The following LMOD3 variants were observed in gnomAD, a reference collection of about 807,000 sequenced individuals.
The protein encoded by LMOD3 is leiomodin-3.
LMOD3 carries 31 observed loss-of-function variants against 41.8 expected under a neutral mutation model. The observed-to-expected ratio is 0.74, with a 90% confidence interval of 0.56 to 1.00. The LOEUF (loss-of-function observed/expected upper bound fraction) is 1.00, where lower values mean the gene tolerates loss of function less well. LMOD3 is among the 50% of genes least tolerant of loss of function. LMOD3 has a pLI of 0.00. For synonymous variants in LMOD3, 292 were observed against 241.9 expected (o/e 1.21, Z -1.92); for missense variants, 755 against 679.5 (o/e 1.11, Z -1.23).
At chr3:69,111,484 T>C (rs945258236) in intron 2 of LMOD3, among the ~76,000 whole-genome samples, 1 of 152,234 alleles carries the variant, frequency 6.6e-6, no homozygotes, top group Non-Finnish European at 1.5e-5. Context: ...CTTTGTATTA[T>C]GGAATGGAAA....
At position 69,119,888 on chromosome 3, in the gene LMOD3, T is replaced by C; in HGVS notation, c.467A>G (p.Asp156Gly). The C allele has an allele frequency of 1.3e-6, 2 of 1,543,100 alleles. No individual in the cohort carries two copies. The highest frequency in any genetic ancestry group is 1.8e-6 in the Non-Finnish European group (2 of 1,137,208). ...TTCACCATCATCTTCTCCTTCGTCG[T>C]CATCATCATCATCTTCTTCTTCTTC... Reference protein sequence around the residue: ...EDEEEEDDDDDDEGEDDGEES... With the variant: ...EDEEEEDDDDGDEGEDDGEES... The change falls in exon 2 of 3, where the codon GAC becomes GGC. Residue 156 changes from aspartate to glycine, a missense_variant. Physicochemically the swap from Asp to Gly is moderately conservative, Grantham distance 94 (BLOSUM62 -1). Coordinates refer to ENST00000420581, the MANE Select transcript of LMOD3 (RefSeq NM_198271.5).
At position 69,119,650 on chromosome 3, in the gene LMOD3, T is replaced by C; in HGVS notation, c.705A>G (p.Ser235=). ...TCCCATCCAGGTCTGTCTGGTTTCC[T>C]GAAGGCCTTGTACTTACCTTCAAAA... ...TSFLKVSTRP[S]GNQTDLDGSL... The change falls in exon 2 of 3, where the codon TCA becomes TCG. Residue 235 remains serine, a synonymous_variant. Coordinates refer to ENST00000420581, the MANE Select transcript of LMOD3 (RefSeq NM_198271.5). The C allele has an allele frequency of 1.2e-6, 2 of 1,613,968 alleles. No individual in the cohort carries two copies. Among genetic ancestry groups the C allele is most frequent in the Non-Finnish European group, 1.7e-6 (2 of 1,179,880 alleles).
chr3:69,111,520 C>T (rs573946778), intron 2 of LMOD3, among the ~76,000 whole-genome samples: 1 of 152,016 alleles, frequency 6.6e-6, no homozygotes, highest in African/African-American at 2.4e-5. Context: ...TAAGTTATTC[C>T]CTGTATTTGT....
rs1314906285 is a variant in LMOD3, at chr3:69,107,381, A to G, written c.*1714T>C. 1 of 149,402 alleles carries G rather than the reference A, an allele frequency of 6.7e-6. No homozygotes were observed. The highest frequency in any genetic ancestry group is 6.7e-5 in the Admixed American group (1 of 14,926). The allele number at this position is 149,402 out of a possible 1,614,324, so 9.3% of individuals were successfully genotyped here. On this transcript the variant is annotated 3_prime_UTR_variant, in exon 3 of 3. Coordinates refer to ENST00000420581, the MANE Select transcript of LMOD3 (RefSeq NM_198271.5). ...TTTGGTTTGATACATGCCACTTATG[A>G]TAACATAAAAGGAGAAAGAAGGCAG...
In LMOD3 at chr3:69,122,382, G is replaced by T; in HGVS notation, c.5C>A (p.Ser2Ter). The change falls in exon 1 of 3, where the codon TCA becomes TAA. Residue 2 changes from serine (S) to a stop codon, truncating the protein, a stop_gained. Coordinates refer to ENST00000420581, the MANE Select transcript of LMOD3 (RefSeq NM_198271.5). LOFTEE classifies it high-confidence loss of function. M[S>*]EHSRNSDQEE... ...TTGATCTGAATTTCTGCTGTGCTCT[G>T]ACATTATTTTTTCTAAATATTATTT... The T allele has an allele frequency of 6.4e-7, 1 of 1,562,454 alleles. No individual in the cohort carries two copies. The highest frequency in any genetic ancestry group is 8.7e-7 in the Non-Finnish European group (1 of 1,152,116).
At chr3:69,111,035 C>T (rs73835727) in intron 2 of LMOD3, among the ~76,000 whole-genome samples, 5,234 of 151,626 alleles carry the variant, frequency 0.035, 285 homozygotes, top group East Asian at 0.26. Flanking sequence ...AGTAACTCAT[C>T]AACTCATCCA....
intron 1 of LMOD3, 133 bp from the exon 2 acceptor site, chr3:69,120,193 A>C (rs2092400808): frequency 1.0e-6 from 1 of 999,774 alleles, no homozygotes. Flanking sequence ...TTATTTAAAT[A>C]GCTGATTGCT....
intron 1 of LMOD3, among the ~76,000 whole-genome samples, chr3:69,120,561 C>T (rs1251845217): frequency 6.6e-6 from 1 of 151,158 alleles, no homozygotes; most frequent in Non-Finnish European, 1.5e-5. Flanking sequence ...GAGAACATAA[C>T]ATAATGTATG....
At chr3:69,113,063 T>A in intron 2 of LMOD3, among the ~76,000 whole-genome samples, 1 of 152,190 alleles carries the variant, frequency 6.6e-6, no homozygotes, top group East Asian at 1.9e-4. Context: ...CTATGATCTA[T>A]GTTTGGCTTT....
In LMOD3 at chr3:69,108,333, C is replaced by G. The variant is rs750215948; in HGVS notation, c.*762G>C. ...TTCTATAAAAACAGCATGCTGTCTC[C>G]CATTGTCCCTCTATATATGAAAACT... On this transcript the variant is annotated 3_prime_UTR_variant, in exon 3 of 3. Coordinates refer to ENST00000420581, the MANE Select transcript of LMOD3 (RefSeq NM_198271.5). 6.6e-6 allele frequency: 1 copy of G among 152,012 alleles called. No homozygotes were observed. Among genetic ancestry groups the G allele is most frequent in the Non-Finnish European group, 1.5e-5 (1 of 68,004 alleles). 9.4% of individuals were successfully genotyped at this position (152,012 alleles called of 1,614,324 possible). A position where few individuals can be genotyped will look rare whatever the true frequency, so the allele number is the denominator to read the frequency against.
In LMOD3 at chr3:69,108,969, A is replaced by G. The variant is rs553024582; in HGVS notation, c.*126T>C. ...TCTGCCTTTTACAAATACCCTTATC[A>G]GATGGTAGCATTGTTTCCAGTTCTG... On this transcript the variant is annotated 3_prime_UTR_variant, in exon 3 of 3. Coordinates refer to ENST00000420581, the MANE Select transcript of LMOD3 (RefSeq NM_198271.5). 1,145 of 808,368 alleles carry G rather than the reference A, an allele frequency of 1.4e-3. 3 individuals are homozygous for G. Among genetic ancestry groups the G allele is most frequent in the Non-Finnish European group, 2.0e-3 (999 of 499,992 alleles). The allele number at this position is 808,368 out of a possible 1,614,324, so 50.1% of individuals were successfully genotyped here.
rs2092389858 is a variant in LMOD3 at position 69,118,843 on chromosome 3, TTCTC to T, written c.1508_1511del (p.Arg503AsnfsTer36). 1 of 1,608,130 alleles carries T rather than the reference TTCTC, an allele frequency of 6.2e-7. No homozygotes were observed. Among genetic ancestry groups the T allele is most frequent in the African/African-American group, 1.4e-5 (1 of 72,938 alleles). Reference sequence around the variant, plus strand: ...CTTTGAGGTTGGTTTTCTCGGGTGGTTCTCTGGCTTCCGGCATCCGAGATTTGCG... The same window carrying T: ...CTTTGAGGTTGGTTTTCTCGGGTGGTTGGCTTCCGGCATCCGAGATTTGCG... On this transcript the variant is annotated frameshift_variant, in exon 2 of 3. Coordinates refer to ENST00000420581, the MANE Select transcript of LMOD3 (RefSeq NM_198271.5). LOFTEE classifies it high-confidence loss of function.
chr3:69,118,796 G>A lies in LMOD3; in HGVS notation c.1559C>T (p.Pro520Leu). The A allele has an allele frequency of 1.2e-6, 2 of 1,611,600 alleles. No individual in the cohort carries two copies. The highest frequency in any genetic ancestry group is 1.7e-6 in the Non-Finnish European group (2 of 1,179,370). ...NLKDVIKTLKPVPRNRPPPLV... is the reference protein window; with the variant it reads ...NLKDVIKTLKLVPRNRPPPLV... Reference sequence around the variant, plus strand: ...TGGGGGTGGCCTGTTTCTCGGCACTGGCTTGAGCGTTTTGATGACATCTTT... The same window carrying A: ...TGGGGGTGGCCTGTTTCTCGGCACTAGCTTGAGCGTTTTGATGACATCTTT... Residue 520 changes from proline (P) to leucine (L), a missense_variant, in exon 2 of 3, where the codon CCA becomes CTA. Physicochemically the swap from Pro to Leu is moderately conservative, Grantham distance 98. Coordinates refer to ENST00000420581, the MANE Select transcript of LMOD3 (RefSeq NM_198271.5).
chr3:69,116,060 C>T (rs1201971356), intron 2 of LMOD3, among the ~76,000 whole-genome samples: 1 of 152,088 alleles, frequency 6.6e-6, no homozygotes, highest in African/African-American at 2.4e-5. Flanking sequence ...CTACTTTTGA[C>T]CTTCTGTAAG....
chr3:69,112,828 T>C (rs1318305492), intron 2 of LMOD3, among the ~76,000 whole-genome samples: 3 of 152,204 alleles, frequency 2.0e-5, no homozygotes, highest in Non-Finnish European at 4.4e-5. Context: ...GACTCAGTAA[T>C]CTGTATTTAG....
In LMOD3 at chr3:69,112,205, G is replaced by T. The variant is rs529517570; in HGVS notation, c.1657-3084C>A. Among the ~76,000 whole-genome samples the T allele has an allele frequency of 2.6e-5, 4 of 151,680 alleles. No individual in the cohort carries two copies. In the South Asian group the frequency reaches 8.3e-4, roughly 32 times the overall value. ...CAAAGAAAGTATGTCTAGTGTGCTTGTGTGTGTGTGTGTGTCTAGCATCAC... is the reference window on the plus strand; with the variant it reads ...CAAAGAAAGTATGTCTAGTGTGCTTTTGTGTGTGTGTGTGTCTAGCATCAC... On this transcript the variant is annotated intron_variant, in intron 2 of 2. Transcript: ENST00000420581.
At position 69,119,027 on chromosome 3, in the gene LMOD3, A is replaced by T; in HGVS notation, c.1328T>A (p.Met443Lys). 1 of 1,613,708 alleles carries T rather than the reference A, an allele frequency of 6.2e-7. No homozygotes were observed. The highest frequency in any genetic ancestry group is 8.5e-7 in the Non-Finnish European group (1 of 1,179,840). ...LLGGPKPDSRMQEFFQPPPPR... is the reference protein window; with the variant it reads ...LLGGPKPDSRKQEFFQPPPPR... ...TGGCGGTGGCTGGAAGAATTCCTGC[A>T]TTCTGGAATCTGGCTTGGGTCCTCC... Residue 443 changes from methionine (M) to lysine (K), a missense_variant, in exon 2 of 3, where the codon ATG becomes AAG. Physicochemically the swap from Met to Lys is moderately conservative, Grantham distance 95. Transcript: ENST00000420581.
chr3:69,119,689 AG>A lies in LMOD3; in HGVS notation c.665del (p.Ala222ValfsTer2). 1 of 1,613,894 alleles carries A rather than the reference AG, an allele frequency of 6.2e-7. No individual in the cohort carries two copies. The highest frequency in any genetic ancestry group is 8.5e-7 in the Non-Finnish European group (1 of 1,179,876). On this transcript the variant is annotated frameshift_variant, in exon 2 of 3. Coordinates refer to ENST00000420581, the MANE Select transcript of LMOD3 (RefSeq NM_198271.5). LOFTEE classifies it high-confidence loss of function. The part of the protein sequence containing the change: ...KISKLDPKKL[A>X]LDTSFLKVST... ...TTACCTTCAAAAAGCTGGTGTCTAG[AG>A]CTAACTTCTTAGGATCTAATTTCGA...
chr3:69,112,341 G>C (rs2092353862), intron 2 of LMOD3, among the ~76,000 whole-genome samples: 1 of 152,186 alleles, frequency 6.6e-6, no homozygotes, highest in Non-Finnish European at 1.5e-5. Flanking sequence ...TCCTGCTCTG[G>C]ACCAACACCT....
Sources: gnomAD v4.1 joint callset for allele counts (sites outside exome capture counted in the v4.1 genomes callset) on GRCh38, gnomAD v4.1.1 for gene constraint, MANE v1.5 for transcripts, NCBI Gene and HGNC (gene_info 2026-07-23, HGNC 2026-07-21) for gene names.